Variants in CATSPERD observed in about 807,000 individuals in gnomAD.
CATSPERD encodes cation channel sperm-associated auxiliary subunit delta.
CATSPERD carries 86 observed loss-of-function variants against 98.1 expected under a neutral mutation model. The ratio of observed to expected loss-of-function variants is 0.88; its 90% CI spans 0.74 to 1.05. The LOEUF (loss-of-function observed/expected upper bound fraction) is 1.05. Ranked by LOEUF, CATSPERD falls within the 50% of genes least tolerant of loss-of-function variation. The pLI is 0.00. For synonymous variants in CATSPERD, 394 were observed against 390.2 expected (o/e 1.01, Z -0.12); for missense variants, 995 against 1,005.7 (o/e 0.99, Z 0.14).
intron 1 of CATSPERD, among the ~76,000 whole-genome samples, chr19:5,724,481 C>A (rs1273306646): frequency 6.6e-6 from 1 of 152,036 alleles, no homozygotes; most frequent in Non-Finnish European, 1.5e-5. Context: ...AGGCAGATCA[C>A]GAGGTCAGGA....
rs565916688 is a variant in CATSPERD at position 5,776,150 on chromosome 19, G to T, written c.1942-11G>T. 1 of 1,613,656 alleles carries T rather than the reference G, an allele frequency of 6.2e-7. No homozygotes were observed. The highest frequency in any genetic ancestry group is 1.1e-5 in the South Asian group (1 of 91,042). On this transcript the variant is annotated splice_polypyrimidine_tract_variant and intron_variant, in intron 20 of 21. Coordinates refer to ENST00000381624, the MANE Select transcript of CATSPERD (RefSeq NM_152784.4). ...CCCTAGGGCCAGTGGGCATGTCTCT[G>T]TCCCCCACAGAACTATGTGAGCTGC...
chr19:5,762,280 T>C (rs952686113), intron 15 of CATSPERD, among the ~76,000 whole-genome samples: 9 of 150,538 alleles, frequency 6.0e-5, no homozygotes, highest in African/African-American at 2.2e-4. Context: ...GCCAGAATGG[T>C]CTCGAACTCC....
At chr19:5,721,996 AAAAAG>A (rs1014933755) in intron 1 of CATSPERD, among the ~76,000 whole-genome samples, 2 of 151,432 alleles carry the variant, frequency 1.3e-5, no homozygotes, top group Admixed American at 6.6e-5. Flanking sequence ...AAAAAAAAAA[AAAAAG>A]AGATGGGGTC....
chr19:5,775,447 C>T (rs986557223), intron 20 of CATSPERD, among the ~76,000 whole-genome samples: 1 of 146,092 alleles, frequency 6.8e-6, no homozygotes, highest in African/African-American at 2.6e-5. Flanking sequence ...ACCATCCTGG[C>T]TTACATGGTG....
At chr19:5,745,532 A>C (rs1265971395) in intron 8 of CATSPERD, among the ~76,000 whole-genome samples, 2 of 152,086 alleles carry the variant, frequency 1.3e-5, no homozygotes, top group Non-Finnish European at 2.9e-5. Flanking sequence ...GAGGCAGGAG[A>C]ATCACTTGGA....
In CATSPERD at chr19:5,750,254, C is replaced by A. The variant is rs915043230; in HGVS notation, c.987+1071C>A. On this transcript the variant is annotated intron_variant, in intron 11 of 21. Transcript: ENST00000381624. ...ACGAGTTCAGGAGATCGTGACCATC[C>A]TGGCTAACACGGTGAAACCCCGTCT... is the stretch of plus-strand genomic sequence containing the variant. Among the ~76,000 whole-genome samples, 9 of 149,652 alleles carry A rather than the reference C, an allele frequency of 6.0e-5. No individual in the cohort carries two copies. In the South Asian group the frequency reaches 1.1e-3, roughly 18 times the overall value.
rs973800713 is a variant in CATSPERD at position 5,737,035 on chromosome 19, C to T, written c.392-103C>T. The stretch of plus-strand genomic sequence containing the variant: ...TCACGCCACTGCACTTCAGCCTGGG[C>T]GACAGAGCAAGACTCTGTCTCAAAA... On this transcript the variant is annotated intron_variant, in intron 5 of 21. Coordinates refer to ENST00000381624, the MANE Select transcript of CATSPERD (RefSeq NM_152784.4). The T allele has an allele frequency of 4.2e-5, 27 of 646,554 alleles. 1 individual carries two copies. Among genetic ancestry groups the T allele is most frequent in the African/African-American group, 1.7e-4 (9 of 54,202 alleles). The allele number at this position is 646,554 out of a possible 1,614,324, so 40.1% of individuals were successfully genotyped here.
intron 5 of CATSPERD, among the ~76,000 whole-genome samples, chr19:5,736,031 C>A (rs552987333): frequency 1.1e-3 from 174 of 152,086 alleles, no homozygotes; most frequent in African/African-American, 4.1e-3. Context: ...CCCGCTTCAG[C>A]CTCCCAAAGT....
intron 1 of CATSPERD, among the ~76,000 whole-genome samples, chr19:5,721,991 A>T (rs1360109877): frequency 6.6e-6 from 1 of 151,772 alleles, no homozygotes; most frequent in African/African-American, 2.4e-5. Context: ...AAAGGAAAAA[A>T]AAAAAAAAAG....
intron 2 of CATSPERD, among the ~76,000 whole-genome samples, chr19:5,726,086 G>C (rs2055599143): frequency 6.7e-6 from 1 of 149,132 alleles, no homozygotes; most frequent in Non-Finnish European, 1.5e-5. Flanking sequence ...TCCTGAGATG[G>C]AGTCTTGCTC....
rs79257321 is a variant in CATSPERD, at chr19:5,723,166, G to A, written c.72-1642G>A. 5.0e-5 allele frequency among the ~76,000 whole-genome samples: 7 copies of A among 139,904 alleles called. No individual in the cohort carries two copies. In the East Asian group the frequency reaches 1.0e-3, roughly 20 times the overall value. The allele number at this position is 139,904 out of a possible 152,430, so 91.8% of individuals were successfully genotyped here. On this transcript the variant is annotated intron_variant, in intron 1 of 21. Coordinates refer to ENST00000381624, the MANE Select transcript of CATSPERD (RefSeq NM_152784.4). ...CGCGCCACTGCACTCCAGCCTGGGC[G>A]ACGGAGCGAGATTCTGTCTCAAAAA...
chr19:5,726,685 C>T (rs1044055838), intron 2 of CATSPERD, among the ~76,000 whole-genome samples: 1 of 151,918 alleles, frequency 6.6e-6, no homozygotes, highest in Non-Finnish European at 1.5e-5. Flanking sequence ...CCTGGCCCAC[C>T]CTGTGAATTA....
intron 17 of CATSPERD, among the ~76,000 whole-genome samples, chr19:5,766,949 T>C (rs938472242): frequency 2.0e-5 from 3 of 151,596 alleles, no homozygotes; most frequent in African/African-American, 7.3e-5. Flanking sequence ...CGCCTCAGCC[T>C]CTCAAAGTGC....
chr19:5,769,189 G>C (rs926989216), intron 18 of CATSPERD, among the ~76,000 whole-genome samples: 6 of 150,908 alleles, frequency 4.0e-5, no homozygotes, highest in African/African-American at 1.5e-4. Flanking sequence ...GAGGGAGGAG[G>C]CTGGGTGCAG....
intron 4 of CATSPERD, among the ~76,000 whole-genome samples, chr19:5,732,499 C>G (rs1036283539): frequency 8.8e-4 from 134 of 152,076 alleles, no homozygotes; most frequent in African/African-American, 3.1e-3. Flanking sequence ...GTGGCGTGAT[C>G]TCAGCTCACT....
intron 17 of CATSPERD, among the ~76,000 whole-genome samples, chr19:5,767,674 A>G (rs982945227): frequency 2.1e-4 from 32 of 151,446 alleles, no homozygotes; most frequent in Non-Finnish European, 3.5e-4. Context: ...TTTTTAGTAG[A>G]GACGGGGTTT....
Position 5,778,584 on chromosome 19 carries a change from G to A in CATSPERD, c.2305G>A (p.Val769Ile). The change falls in exon 22 of 22, where the codon GTC becomes ATC. Residue 769 changes from valine to isoleucine, a missense_variant. Transcript: ENST00000381624. ...ACAGCTGTGTAGGAGATGCAAGACG[G>A]TCTGCCAGTTCAGGGCCTCAGCCAC... ...ATQLCRRCKT[V>I]CQFRASATAR... 6.2e-7 allele frequency: 1 copy of A among 1,613,808 alleles called. No individual in the cohort carries two copies. Among genetic ancestry groups the A allele is most frequent in the Non-Finnish European group, 8.5e-7 (1 of 1,180,024 alleles).
chr19:5,768,485 C>T (rs572499698), intron 18 of CATSPERD, among the ~76,000 whole-genome samples: 2 of 152,028 alleles, frequency 1.3e-5, no homozygotes, highest in East Asian at 1.9e-4. Context: ...TACAGGTTCC[C>T]GCCACCAGGC....
chr19:5,762,052 A>G (rs1214378740), intron 15 of CATSPERD, among the ~76,000 whole-genome samples: 1 of 17,278 alleles, frequency 5.8e-5, no homozygotes, highest in African/African-American at 1.8e-4. Flanking sequence ...ATATATATAT[A>G]TATATATTTT....
Sources: gnomAD v4.1 joint callset for allele counts (sites outside exome capture counted in the v4.1 genomes callset) on GRCh38, gnomAD v4.1.1 for gene constraint, MANE v1.5 for transcripts, NCBI Gene and HGNC (gene_info 2026-07-23, HGNC 2026-07-21) for gene names.